The following KCNIP3 variants were observed in gnomAD, a reference collection of about 807,000 sequenced individuals.
KCNIP3 encodes calsenilin.
A neutral mutation model predicts 35.0 loss-of-function variants in KCNIP3; 28 were observed. That is an observed-to-expected ratio of 0.80 (90% CI 0.59 to 1.10). The LOEUF (loss-of-function observed/expected upper bound fraction) is 1.10. KCNIP3 is among the 50% of genes least tolerant of loss of function. The pLI is 0.00. For missense variants in KCNIP3, 295 were observed against 338.4 expected, an observed-to-expected ratio of 0.87 and a Z score of 1.01; for synonymous variants, 134 against 133.8, an observed-to-expected ratio of 1.00 and a Z score of -0.01.
At chr2:95,308,444 G>T (rs1159755001) in intron 1 of KCNIP3, among the ~76,000 whole-genome samples, 2 of 152,228 alleles carry the variant, frequency 1.3e-5, no homozygotes. Context: ...TCCCTGCCTA[G>T]GGGACCACTT....
chr2:95,357,081 G>A (rs1191270551), intron 2 of KCNIP3, among the ~76,000 whole-genome samples: 1 of 152,208 alleles, frequency 6.6e-6, no homozygotes. Flanking sequence ...TCTAGGCTGG[G>A]AACCTGGGCA....
At chr2:95,355,135 G>A (rs1422473186) in intron 2 of KCNIP3, 5 of 152,102 alleles carry the variant, frequency 3.3e-5, no homozygotes, top group African/African-American at 1.2e-4. Context: ...ATCCACAGCT[G>A]CAGGGCCTTG....
intron 2 of KCNIP3, chr2:95,346,994 C>T (rs1422273729): frequency 1.3e-5 from 20 of 1,570,200 alleles, no homozygotes; most frequent in Admixed American, 1.8e-5. Flanking sequence ...GCCCGGGCCC[C>T]AGGGCCCCAG....
chr2:95,325,786 TAC>T (rs1224329918), intron 2 of KCNIP3, among the ~76,000 whole-genome samples: 9 of 140,170 alleles, frequency 6.4e-5, no homozygotes, highest in Admixed American at 4.2e-4. Context: ...CACACACTCA[TAC>T]ACACTCATAC....
chr2:95,344,581 A>G (rs1233358951), intron 2 of KCNIP3, among the ~76,000 whole-genome samples: 2 of 152,228 alleles, frequency 1.3e-5, no homozygotes, highest in African/African-American at 4.8e-5. Context: ...GGGAACTGGG[A>G]AGATGCTCAG....
rs542544584 is a variant in KCNIP3 at position 95,361,780 on chromosome 2, A to C, written c.182-12516A>C. Among the ~76,000 whole-genome samples, 4 of 152,294 alleles carry C rather than the reference A, an allele frequency of 2.6e-5. No individual in the cohort carries two copies. In the East Asian group the frequency reaches 5.8e-4, roughly 22 times the overall value. On this transcript the variant is annotated intron_variant, in intron 2 of 8. Transcript: ENST00000295225. The stretch of plus-strand genomic sequence containing the variant: ...GCATTCCAGAGCACCTCCCATGCAC[A>C]GGCACTGTTCCAGGGCTGGGTACGG...
chr2:95,373,414 G>GTTTTTTTTTTT (rs70964869), intron 2 of KCNIP3, among the ~76,000 whole-genome samples: 2 of 59,984 alleles, frequency 3.3e-5, no homozygotes, highest in African/African-American at 1.4e-4. Flanking sequence ...CAAGTTTGTG[G>GTTTTTTTTTTT]TTTTTTTTTT....
intron 2 of KCNIP3, among the ~76,000 whole-genome samples, chr2:95,329,529 A>C (rs1212917963): frequency 5.3e-5 from 8 of 152,228 alleles, no homozygotes; most frequent in Admixed American, 5.2e-4. Flanking sequence ...TGGTGTGATC[A>C]AGCTGGTAGG....
At chr2:95,297,538 A>G (rs1434933908) in intron 1 of KCNIP3, 85 bp downstream of exon 1, 2 of 1,122,404 alleles carry the variant, frequency 1.8e-6, no homozygotes, top group Non-Finnish European at 2.5e-6. Flanking sequence ...TGGACCAGGA[A>G]GCCTTTTTCT....
At chr2:95,355,504 G>A (rs748396061) in intron 2 of KCNIP3, among the ~76,000 whole-genome samples, 32 of 152,038 alleles carry the variant, frequency 2.1e-4, no homozygotes, top group Admixed American at 5.9e-4. Flanking sequence ...CAGCCCCCCA[G>A]CCTCCAACAG....
chr2:95,310,052 T>A (rs868801775), intron 1 of KCNIP3, among the ~76,000 whole-genome samples: 1 of 152,246 alleles, frequency 6.6e-6, no homozygotes, highest in Non-Finnish European at 1.5e-5. Flanking sequence ...ACCTGGCCTG[T>A]GCCAAGGTGG....
At chr2:95,329,177 C>G (rs1558765165) in intron 2 of KCNIP3, among the ~76,000 whole-genome samples, 1 of 152,008 alleles carries the variant, frequency 6.6e-6, no homozygotes, top group Non-Finnish European at 1.5e-5. Context: ...CCCAGGAGTA[C>G]TCCGTGCACA....
intron 2 of KCNIP3, among the ~76,000 whole-genome samples, chr2:95,336,039 G>A (rs1679052857): frequency 6.6e-6 from 1 of 152,156 alleles, no homozygotes; most frequent in Non-Finnish European, 1.5e-5. Flanking sequence ...CTCTTGCCAT[G>A]TCTTATAATT....
intron 1 of KCNIP3, among the ~76,000 whole-genome samples, chr2:95,303,729 G>A (rs181534234): frequency 1.7e-3 from 257 of 152,308 alleles, no homozygotes; most frequent in Admixed American, 3.2e-3. Flanking sequence ...GAGTGGCAGA[G>A]AGCAGCTGGG....
chr2:95,314,699 G>C (rs1573483805), intron 2 of KCNIP3, among the ~76,000 whole-genome samples: 2 of 152,386 alleles, frequency 1.3e-5, no homozygotes, highest in East Asian at 1.9e-4. Context: ...CCAGGCGGCC[G>C]TCCCAGCTTC....
intron 2 of KCNIP3, among the ~76,000 whole-genome samples, chr2:95,336,612 A>T (rs963814144): frequency 6.6e-6 from 1 of 152,160 alleles, no homozygotes; most frequent in African/African-American, 2.4e-5. Flanking sequence ...CATGCTGGAA[A>T]TTGTGAGTGA....
chr2:95,373,819 GT>G (rs1381479540), intron 2 of KCNIP3, among the ~76,000 whole-genome samples: 1 of 152,208 alleles, frequency 6.6e-6, no homozygotes, highest in Non-Finnish European at 1.5e-5. Flanking sequence ...TCTGCCAACT[GT>G]AGCTGAACAG....
chr2:95,351,524 T>C (rs1307370044), intron 2 of KCNIP3, among the ~76,000 whole-genome samples: 1 of 152,180 alleles, frequency 6.6e-6, no homozygotes, highest in African/African-American at 2.4e-5. Context: ...TGGCCATCTA[T>C]TGAGATGGGG....
At position 95,374,313 on chromosome 2, in the gene KCNIP3, C is replaced by T. The variant is rs768271447; in HGVS notation, c.199C>T (p.Leu67=). 39 of 1,613,912 alleles carry T rather than the reference C, an allele frequency of 2.4e-5. No homozygotes were observed. Among genetic ancestry groups the T allele is most frequent in the Non-Finnish European group, 3.1e-5 (37 of 1,179,952 alleles). The change falls in exon 3 of 9, where the codon CTG becomes TTG. Residue 67 remains leucine, a synonymous_variant. Coordinates refer to ENST00000295225, the MANE Select transcript of KCNIP3 (RefSeq NM_013434.5). ...PQGSDSSDSE[L]ELSTVRHQPE... ...CACTCCAGATAGCAGCGACAGTGAG[C>T]TGGAGCTGTCCACGGTGCGCCACCA...
Sources: allele counts gnomAD v4.1 joint callset (sites outside exome capture counted in the v4.1 genomes callset), GRCh38; gene constraint gnomAD v4.1.1; transcripts MANE v1.5; gene names NCBI Gene and HGNC (gene_info 2026-07-23, HGNC 2026-07-21).